PTGER3: variants seen among roughly 807,000 people sequenced by gnomAD.
PTGER3 encodes prostaglandin E receptor 3.
PTGER3 carries 22 observed loss-of-function variants against 34.7 expected under a neutral mutation model. The observed-to-expected ratio is 0.63, with a 90% CI of 0.45 to 0.91. PTGER3 has a LOEUF of 0.91. PTGER3 is among the 40% of genes least tolerant of loss of function. The pLI is 0.00. For synonymous variants in PTGER3, 241 were observed against 230.1 expected (o/e 1.05, Z -0.43); for missense variants, 468 against 519.4 (o/e 0.90, Z 0.96).
At chr1:71,019,791 G>A (rs1305961166) in intron 1 of PTGER3, among the ~76,000 whole-genome samples, 3 of 152,102 alleles carry the variant, frequency 2.0e-5, no homozygotes, top group African/African-American at 7.2e-5. Flanking sequence ...GATGATAAAT[G>A]AGGAAACCCA....
At chr1:71,029,230 G>A (rs898929966) in intron 1 of PTGER3, among the ~76,000 whole-genome samples, 6 of 151,944 alleles carry the variant, frequency 3.9e-5, no homozygotes, top group Non-Finnish European at 5.9e-5. Context: ...CATTTATTGC[G>A]TGATTTCTTT....
downstream of PTGER3, among the ~76,000 whole-genome samples, chr1:70,970,589 C>T (rs1652971814): frequency 6.6e-6 from 1 of 151,978 alleles, no homozygotes; most frequent in Non-Finnish European, 1.5e-5. Context: ...CCAAGATGTC[C>T]TATAGGTGAC....
chr1:70,938,243 TACCAAAAC>T (rs1649423833), intron 4 of PTGER3, among the ~76,000 whole-genome samples: 1 of 152,150 alleles, frequency 6.6e-6, no homozygotes, highest in Non-Finnish European at 1.5e-5. Flanking sequence ...CAAGGGTCAA[TACCAAAAC>T]ATCATACTTG....
At chr1:70,905,203 T>C (rs561330882) in intron 4 of PTGER3, among the ~76,000 whole-genome samples, 22 of 152,270 alleles carry the variant, frequency 1.4e-4, no homozygotes, top group African/African-American at 5.3e-4. Context: ...TGGAAACACC[T>C]GGATGCCCAG....
intron 4 of PTGER3, among the ~76,000 whole-genome samples, chr1:70,922,846 G>A: frequency 6.6e-6 from 1 of 152,164 alleles, no homozygotes; most frequent in East Asian, 1.9e-4. Context: ...GTTGTGGAAG[G>A]TTTGTGAAAA....
intron 1 of PTGER3, among the ~76,000 whole-genome samples, chr1:71,046,126 A>T (rs1660766074): frequency 6.6e-6 from 1 of 151,466 alleles, no homozygotes; most frequent in South Asian, 2.1e-4. Context: ...CTAAAAATAA[A>T]AAAAAAAAAT....
At chr1:70,945,558 T>C (rs1056714384) in intron 4 of PTGER3, among the ~76,000 whole-genome samples, 3 of 152,172 alleles carry the variant, frequency 2.0e-5, no homozygotes, top group Admixed American at 1.3e-4. Context: ...GTTTTTTTTA[T>C]GAAAATTTAC....
intron 4 of PTGER3, among the ~76,000 whole-genome samples, chr1:70,873,688 C>T (rs1468900796): frequency 5.3e-5 from 8 of 149,588 alleles, no homozygotes; most frequent in African/African-American, 2.0e-4. Context: ...TGCCCTGTCA[C>T]CCAGGCTGGA....
At chr1:71,008,576 A>G in intron 2 of PTGER3, 2 of 982,936 alleles carry the variant, frequency 2.0e-6, no homozygotes, top group South Asian at 4.7e-5. Flanking sequence ...TGGTTATTAA[A>G]TTTTGTAAAT....
chr1:70,884,363 T>A (rs528130312), intron 4 of PTGER3, among the ~76,000 whole-genome samples: 115 of 152,292 alleles, frequency 7.6e-4, no homozygotes, highest in Admixed American at 2.0e-3. Context: ...TTATGTTACA[T>A]TATATTGCCA....
At chr1:70,979,568 GC>G (rs1364175018) in intron 2 of PTGER3, among the ~76,000 whole-genome samples, 5 of 151,986 alleles carry the variant, frequency 3.3e-5, no homozygotes, top group African/African-American at 1.2e-4. Context: ...CTAGTCCGGG[GC>G]CTGCTATATC....
chr1:70,862,190 TCACCCAC>T, intron 4 of PTGER3: 1 of 504,796 alleles, frequency 2.0e-6, no homozygotes, highest in East Asian at 8.3e-5. Context: ...CCTCTTTTTT[TCACCCAC>T]TCCTGAATTT....
chr1:71,036,204 G>T (rs1659803290), intron 1 of PTGER3, among the ~76,000 whole-genome samples: 1 of 152,206 alleles, frequency 6.6e-6, no homozygotes, highest in South Asian at 2.1e-4. Flanking sequence ...GGAAGAGGTA[G>T]ATGGTGCTTA....
At chr1:71,019,978 G>T (rs967905578) in intron 1 of PTGER3, among the ~76,000 whole-genome samples, 1 of 152,132 alleles carries the variant, frequency 6.6e-6, no homozygotes, top group Non-Finnish European at 1.5e-5. Flanking sequence ...TAGGTTATGG[G>T]AGAATAACCT....
In PTGER3 at chr1:70,890,330, C is replaced by G. The variant is rs556117453; in HGVS notation, c.*24-37471G>C. Among the ~76,000 whole-genome samples, 5 of 152,224 alleles carry G rather than the reference C, an allele frequency of 3.3e-5. 1 individual carries two copies. In the South Asian group the frequency reaches 1.0e-3, roughly 32 times the overall value. On this transcript the variant is annotated intron_variant, in intron 4 of 4. Transcript: ENST00000370931. The stretch of plus-strand genomic sequence containing the variant: ...CATTTTACCACTGAAAACACTGAGG[C>G]TTATAGAATTAAGTGATCCTCTTAA...
Position 70,952,977 on chromosome 1 carries a change from C to T in PTGER3, c.1187G>A (p.Arg396Lys), listed in dbSNP as rs369540225. The change falls in exon 4 of 4, where the codon AGA becomes AAA. Residue 396 changes from arginine (R) to lysine (K), a missense_variant. Arg to Lys is a conservative substitution (Grantham distance 26). Transcript: ENST00000356595. The stretch of plus-strand genomic sequence containing the variant: ...GCTCACGAGTACCTCCATTTCTTCT[C>T]TGTTCAGCACACGATAGGTTTGTAC... The T allele has an allele frequency of 3.5e-5, 56 of 1,613,256 alleles. No individual in the cohort carries two copies. Among genetic ancestry groups the T allele is most frequent in the Non-Finnish European group, 4.6e-5 (54 of 1,179,436 alleles).
chr1:70,989,271 C>T (rs190093324), intron 2 of PTGER3, among the ~76,000 whole-genome samples: 4 of 152,242 alleles, frequency 2.6e-5, no homozygotes, highest in Admixed American at 2.6e-4. Context: ...ATAACAGCAG[C>T]TCCATTTTCT....
chr1:70,907,894 AAG>A (rs1646982642), intron 4 of PTGER3, among the ~76,000 whole-genome samples: 1 of 152,074 alleles, frequency 6.6e-6, no homozygotes, highest in Non-Finnish European at 1.5e-5. Context: ...GTGGCCAGGA[AAG>A]AGAGTAGTGA....
chr1:70,973,910 TGA>T (rs1480645225), intron 3 of PTGER3, among the ~76,000 whole-genome samples: 1 of 152,178 alleles, frequency 6.6e-6, no homozygotes, highest in African/African-American at 2.4e-5. Context: ...AAAATGCGAC[TGA>T]GAGTGTGCTA....
Sources: allele counts gnomAD v4.1 joint callset (sites outside exome capture counted in the v4.1 genomes callset), GRCh38; gene constraint gnomAD v4.1.1; transcripts MANE v1.5; gene names NCBI Gene and HGNC (gene_info 2026-07-23, HGNC 2026-07-21).